The following PPME1 variants were observed in gnomAD, a reference collection of about 807,000 sequenced individuals.
The protein encoded by PPME1 is protein phosphatase methylesterase 1, also known as testicular secretory protein Li 39.
In PPME1, 17 loss-of-function variants were observed where a neutral mutation model predicts 56.9. The observed-to-expected ratio is 0.30, with a 90% CI of 0.20 to 0.45. The LOEUF is 0.45. Ranked by LOEUF, PPME1 falls within the 20% of genes least tolerant of loss-of-function variation. The pLI is 1.00. For synonymous variants in PPME1, 122 were observed against 156.2 expected (o/e 0.78, Z 1.63); for missense variants, 357 against 483.2 (o/e 0.74, Z 2.45).
intron 1 of PPME1, among the ~76,000 whole-genome samples, chr11:74,182,593 CAA>C (rs1480127351): frequency 6.6e-6 from 1 of 152,126 alleles, no homozygotes; most frequent in Non-Finnish European, 1.5e-5. Context: ...CTCCTGACCT[CAA>C]GAGATCTGCC....
chr11:74,230,698 T>C lies in PPME1; in HGVS notation c.554-214T>C. 1 of 601,436 alleles carries C rather than the reference T, an allele frequency of 1.7e-6. No individual in the cohort carries two copies. Among genetic ancestry groups the C allele is most frequent in the Non-Finnish European group, 2.9e-6 (1 of 346,294 alleles). The allele number at this position is 601,436 out of a possible 1,614,324, so 37.3% of individuals were successfully genotyped here. A position where few individuals can be genotyped will look rare whatever the true frequency, so the allele number is the denominator to read the frequency against. ...GACCCAGCTTCAGAAGTCACACTGC[T>C]GCTTGTGAATACAAGTCATCCTCTT... On this transcript the variant is annotated intron_variant, in intron 6 of 13. Transcript: ENST00000328257. This position sits in a 1 kb window ranked among gnomAD's most constrained non-coding sequence, Gnocchi z 4.9.
intron 13 of PPME1, 72 bp downstream of exon 13, chr11:74,251,787 G>A (rs1859673302): frequency 6.4e-6 from 10 of 1,570,614 alleles, no homozygotes; most frequent in Admixed American, 1.7e-5. Flanking sequence ...TTGTAGGACT[G>A]TAAATATCTC....
At chr11:74,233,119 A>G (rs1859110462) in intron 7 of PPME1, among the ~76,000 whole-genome samples, 1 of 152,098 alleles carries the variant, frequency 6.6e-6, no homozygotes, top group African/African-American at 2.4e-5. Flanking sequence ...CCTATCATCA[A>G]AAAACTGGGG....
chr11:74,232,610 A>G (rs145790857), intron 7 of PPME1, among the ~76,000 whole-genome samples: 34 of 152,160 alleles, frequency 2.2e-4, no homozygotes, highest in Admixed American at 7.2e-4. Flanking sequence ...CGCAGTAACA[A>G]CAAGTGAGAA....
At chr11:74,178,310 G>T (rs1433553688) in intron 1 of PPME1, among the ~76,000 whole-genome samples, 1 of 152,160 alleles carries the variant, frequency 6.6e-6, no homozygotes, top group Non-Finnish European at 1.5e-5. Flanking sequence ...CTCCCCAACA[G>T]ATTTTTCCCT....
In PPME1 at chr11:74,253,611, A is replaced by G. The variant is rs972496325; in HGVS notation, c.*101A>G. 1.5e-6 allele frequency: 2 copies of G among 1,334,088 alleles called. No homozygotes were observed. Among genetic ancestry groups the G allele is most frequent in the South Asian group, 1.2e-5 (1 of 84,868 alleles). The allele number at this position is 1,334,088 out of a possible 1,614,324, so 82.6% of individuals were successfully genotyped here. A position where few individuals can be genotyped will look rare whatever the true frequency, so the allele number is the denominator to read the frequency against. ...TGTCTCCTCTCCATCCCGCCCAGCCATGTGACACTGGCTCCCGGTAGACGG... is the reference window on the plus strand; with the variant it reads ...TGTCTCCTCTCCATCCCGCCCAGCCGTGTGACACTGGCTCCCGGTAGACGG... On this transcript the variant is annotated 3_prime_UTR_variant, in exon 14 of 14. Coordinates refer to ENST00000328257, the MANE Select transcript of PPME1 (RefSeq NM_016147.3).
chr11:74,210,364 A>C (rs1356299251), intron 3 of PPME1, among the ~76,000 whole-genome samples: 2 of 152,236 alleles, frequency 1.3e-5, no homozygotes, highest in African/African-American at 4.8e-5. Context: ...AGAAAATTGC[A>C]TGAATATCAT....
chr11:74,239,633 A>G lies in PPME1; in HGVS notation c.834+377A>G, dbSNP rs1359162836. On this transcript the variant is annotated intron_variant, in intron 9 of 13. Coordinates refer to ENST00000328257, the MANE Select transcript of PPME1 (RefSeq NM_016147.3). ...GCTCAGTCACCCAGGCTGGAGTACA[A>G]TGGCGCGATCTCGGCTCACTGCAAG... 4.0e-5 allele frequency among the ~76,000 whole-genome samples: 6 copies of G among 148,822 alleles called. No homozygotes were observed. The East Asian group carries it at 5.9e-4, about 15-fold the overall frequency.
intron 1 of PPME1, among the ~76,000 whole-genome samples, chr11:74,184,176 G>A (rs995383808): frequency 1.3e-4 from 20 of 152,120 alleles, no homozygotes; most frequent in African/African-American, 4.6e-4. Flanking sequence ...TACATGTCTA[G>A]CTTGTTTCAT....
chr11:74,184,508 G>T (rs1484541327), intron 1 of PPME1, among the ~76,000 whole-genome samples: 3 of 152,132 alleles, frequency 2.0e-5, no homozygotes, highest in Non-Finnish European at 4.4e-5. Context: ...CTAATCTTTT[G>T]TGGGTAATTA....
rs12273582 is a variant in PPME1 at position 74,202,212 on chromosome 11, A to G, written c.102-1516A>G. Among the ~76,000 whole-genome samples, 1,166 of 152,328 alleles carry G rather than the reference A, an allele frequency of 7.7e-3. 11 individuals carry two copies. The highest frequency in any genetic ancestry group is 0.027 in the African/African-American group (1,103 of 41,574). On this transcript the variant is annotated intron_variant, in intron 1 of 13. Coordinates refer to ENST00000328257, the MANE Select transcript of PPME1 (RefSeq NM_016147.3). The stretch of plus-strand genomic sequence containing the variant: ...TCTGTCATTCCAAATCATGTACTCT[A>G]TCTTTATATTTATAGTGCCTCTCTC...
At chr11:74,244,429 AT>A (rs1859455510) in intron 9 of PPME1, among the ~76,000 whole-genome samples, 1 of 151,958 alleles carries the variant, frequency 6.6e-6, no homozygotes, top group Non-Finnish European at 1.5e-5. Flanking sequence ...ACCAACACTT[AT>A]TTTTCTCTTT....
At chr11:74,235,061 G>A (rs1242537955) in intron 7 of PPME1, among the ~76,000 whole-genome samples, 2 of 152,034 alleles carry the variant, frequency 1.3e-5, no homozygotes, top group Admixed American at 6.6e-5. Context: ...TGATTGCCTC[G>A]GTTTACCATT....
At chr11:74,190,254 A>G (rs753319045) in intron 1 of PPME1, among the ~76,000 whole-genome samples, 3 of 152,148 alleles carry the variant, frequency 2.0e-5, no homozygotes, top group Non-Finnish European at 2.9e-5. Context: ...GTAATCACCA[A>G]TGCTGGAGGT....
intron 7 of PPME1, among the ~76,000 whole-genome samples, chr11:74,233,785 G>C (rs150206904): frequency 0.011 from 1,619 of 152,330 alleles, 18 homozygotes; most frequent in African/African-American, 0.036. Flanking sequence ...TCATGCCACT[G>C]CACTTCAGCC....
chr11:74,225,214 A>G lies in PPME1; in HGVS notation c.356A>G (p.Lys119Arg). ...ALDLRSHGET[K>R]VKNPEDLSAE... ...AATATTTTCATTTTAGGTGAAACAAAGGTCAAGAATCCTGAAGATCTGTCT... is the reference window on the plus strand; with the variant it reads ...AATATTTTCATTTTAGGTGAAACAAGGGTCAAGAATCCTGAAGATCTGTCT... The change falls in exon 5 of 14, where the codon AAG (lysine) becomes AGG (arginine). Residue 119 changes from lysine (K) to arginine (R), a missense_variant. Around this residue, in one of 2 missense-constraint regions of PPME1, gnomAD observed 175 missense variants for 189.4 expected, o/e 0.92. Coordinates refer to ENST00000328257, the MANE Select transcript of PPME1 (RefSeq NM_016147.3). 1 of 1,559,422 alleles carries G rather than the reference A, an allele frequency of 6.4e-7. No homozygotes were observed.
chr11:74,216,396 G>A (rs1184713233), intron 3 of PPME1, among the ~76,000 whole-genome samples: 2 of 152,142 alleles, frequency 1.3e-5, no homozygotes, highest in Non-Finnish European at 2.9e-5. Context: ...TAAATGACCA[G>A]TGGGCCAATG....
At chr11:74,211,708 A>C (rs942230289) in intron 3 of PPME1, among the ~76,000 whole-genome samples, 21 of 152,212 alleles carry the variant, frequency 1.4e-4, no homozygotes, top group Non-Finnish European at 2.1e-4. Context: ...TGTGCAAAAC[A>C]AACTATAGGC....
In PPME1 at chr11:74,230,237, C is replaced by T. The variant is rs1258918420; in HGVS notation, c.399-8C>T. On this transcript the variant is annotated splice_polypyrimidine_tract_variant and splice_region_variant and intron_variant, in intron 5 of 13. Coordinates refer to ENST00000328257, the MANE Select transcript of PPME1 (RefSeq NM_016147.3). This position sits in a 1 kb window ranked among gnomAD's most constrained non-coding sequence, Gnocchi z 4.9. ...GCATTCTTAGATCTTTTTCTCTTCT[C>T]TTTGCAGAGACGTTGGCAATGTGGT... 6.3e-7 allele frequency: 1 copy of T among 1,592,640 alleles called. No homozygotes were observed. The highest frequency in any genetic ancestry group is 1.7e-4 in the Middle Eastern group (1 of 5,968).
Sources: gnomAD v4.1 joint callset for allele counts (sites outside exome capture counted in the v4.1 genomes callset) on GRCh38, gnomAD v4.1.1 for gene constraint, gnomAD v4.1.1 regional missense constraint, Gnocchi (gnomAD v3.1) non-coding constraint, MANE v1.5 for transcripts, NCBI Gene and HGNC (gene_info 2026-07-23, HGNC 2026-07-21) for gene names.